CFAP100: variants seen among roughly 807,000 people sequenced by gnomAD.
CFAP100 encodes cilia and flagella associated protein 100.
Under a neutral mutation model 81.5 loss-of-function variants are expected in CFAP100, and 70 were observed. The ratio of observed to expected loss-of-function variants is 0.86; its 90% CI spans 0.71 to 1.05. The LOEUF is 1.05. CFAP100 is among the 50% of genes least tolerant of loss of function. CFAP100 has a pLI of 0.00. For synonymous variants in CFAP100, 341 were observed against 314.8 expected, an observed-to-expected ratio of 1.08 and a Z score of -0.88; for missense variants, 811 against 776.5, an observed-to-expected ratio of 1.04 and a Z score of -0.53.
chr3:126,402,361 G>A (rs867168468), intron 2 of CFAP100, among the ~76,000 whole-genome samples: 24 of 152,228 alleles, frequency 1.6e-4, no homozygotes, highest in Non-Finnish European at 2.8e-4. Flanking sequence ...GCACCACGCA[G>A]GGCTGTGCGG....
intron 7 of CFAP100, 69 bp from the exon 8 acceptor site, chr3:126,419,007 C>T: frequency 9.5e-7 from 1 of 1,057,524 alleles, no homozygotes; most frequent in Admixed American, 2.3e-5. Flanking sequence ...GTGGTGTGCT[C>T]ACCCCTCTTT....
chr3:126,415,338 C>T (rs1290117549), intron 4 of CFAP100, among the ~76,000 whole-genome samples: 1 of 150,044 alleles, frequency 6.7e-6, no homozygotes, highest in Non-Finnish European at 1.5e-5. Context: ...CCCCACCCAG[C>T]AGGGTCTCCC....
intron 2 of CFAP100, among the ~76,000 whole-genome samples, chr3:126,404,334 G>A (rs983214696): frequency 2.0e-5 from 3 of 152,206 alleles, no homozygotes; most frequent in Non-Finnish European, 2.9e-5. Context: ...AGGCCACCCA[G>A]TAATCAGAGA....
Position 126,420,112 on chromosome 3 carries a change from G to A in CFAP100, c.965G>A (p.Gly322Asp). Residue 322 changes from glycine (G) to aspartate (D), a missense_variant, in exon 11 of 17, where the codon GGT becomes GAT. Coordinates refer to ENST00000352312, the MANE Select transcript of CFAP100 (RefSeq NM_182628.3). ...ASSMWAKEGQ[G>D]TKKPWRFLQT... ...CCTCTGCTTTCTCCAGAGGGTCAGG[G>A]TACAAAGAAGCCCTGGAGGTTTCTG... The A allele has an allele frequency of 6.2e-7, 1 of 1,613,300 alleles. No individual in the cohort carries two copies. The highest frequency in any genetic ancestry group is 8.5e-7 in the Non-Finnish European group (1 of 1,180,004).
chr3:126,428,450 A>G (rs1388111190), intron 13 of CFAP100, among the ~76,000 whole-genome samples: 1 of 152,228 alleles, frequency 6.6e-6, no homozygotes, highest in Non-Finnish European at 1.5e-5. Context: ...ATATCATTAT[A>G]TAATACATTT....
intron 5 of CFAP100, chr3:126,416,757 T>G: frequency 4.6e-5 from 18 of 392,506 alleles, no homozygotes; most frequent in Middle Eastern, 6.4e-4. Flanking sequence ...TTGGTTTCTC[T>G]TTCCTTGGCT....
Position 126,419,142 on chromosome 3 carries a change from T to C in CFAP100, c.717T>C (p.Ile239=). The C allele has an allele frequency of 6.3e-7, 1 of 1,577,942 alleles. No homozygotes were observed. Among genetic ancestry groups the C allele is most frequent in the Non-Finnish European group, 8.6e-7 (1 of 1,160,428 alleles). Residue 239 remains isoleucine, a synonymous_variant, in exon 8 of 17, where the codon ATT becomes ATC. Transcript: ENST00000352312. ...AGATCCGGGACCTCACCACCCAGATTGTTAATATCAAAAGGTGAGGTCAGA... is the reference window on the plus strand; with the variant it reads ...AGATCCGGGACCTCACCACCCAGATCGTTAATATCAAAAGGTGAGGTCAGA... ...ILEIRDLTTQ[I]VNIKSEISRF... is the part of the protein sequence containing the mutation.
At chr3:126,422,167 C>G (rs988705146) in intron 11 of CFAP100, among the ~76,000 whole-genome samples, 1 of 152,224 alleles carries the variant, frequency 6.6e-6, no homozygotes, top group African/African-American at 2.4e-5. Flanking sequence ...CAGCCCATGC[C>G]CACCAACCGC....
intron 14 of CFAP100, chr3:126,433,541 G>C (rs559422863): frequency 1.5e-5 from 4 of 272,008 alleles, no homozygotes; most frequent in African/African-American, 6.6e-5. Context: ...AATTGGGAGA[G>C]AAGAGAAAGC....
chr3:126,397,208 T>C (rs1392748424), intron 2 of CFAP100, among the ~76,000 whole-genome samples: 2 of 152,256 alleles, frequency 1.3e-5, no homozygotes, highest in African/African-American at 2.4e-5. Context: ...TTGAGTAGAA[T>C]AGTAATCTTT....
Position 126,419,812 on chromosome 3 carries a change from G to C in CFAP100, c.907G>C (p.Asp303His), listed in dbSNP as rs750467369. The C allele has an allele frequency of 6.2e-7, 1 of 1,613,602 alleles. No homozygotes were observed. The highest frequency in any genetic ancestry group is 8.5e-7 in the Non-Finnish European group (1 of 1,179,972). ...KESSVNSTPG[D>H]KGPGIKGKAS... The stretch of plus-strand genomic sequence containing the variant: ...GAGCAGTGTTAACTCCACACCAGGG[G>C]ACAAAGGTAGCAGAAAAGAGAATGT... The change falls in exon 9 of 17, where the codon GAC becomes CAC. Residue 303 changes from aspartate to histidine, a missense_variant. Asp to His is a moderately conservative substitution (Grantham distance 81). Coordinates refer to ENST00000352312, the MANE Select transcript of CFAP100 (RefSeq NM_182628.3).
chr3:126,405,771 G>T (rs1021869811), intron 2 of CFAP100, among the ~76,000 whole-genome samples: 1 of 152,152 alleles, frequency 6.6e-6, no homozygotes, highest in Non-Finnish European at 1.5e-5. Context: ...TATGTGCTAT[G>T]TATGTGCATT....
intron 13 of CFAP100, among the ~76,000 whole-genome samples, chr3:126,430,636 C>T (rs536169733): frequency 1.3e-3 from 194 of 152,002 alleles, no homozygotes; most frequent in Middle Eastern, 3.4e-3. Flanking sequence ...TTTTGCTCCT[C>T]TAGCTGGCTA....
Position 126,396,067 on chromosome 3 carries a change from G to A in CFAP100, c.49+18G>A. On this transcript the variant is annotated intron_variant, in intron 2 of 16. Coordinates refer to ENST00000352312, the MANE Select transcript of CFAP100 (RefSeq NM_182628.3). Reference sequence around the variant, plus strand: ...CAATGACAGTAAGTACCGGGCCAGGGTGGGCACTCTCAGAGGTCAGGGGCA... The same window carrying A: ...CAATGACAGTAAGTACCGGGCCAGGATGGGCACTCTCAGAGGTCAGGGGCA... The A allele has an allele frequency of 6.2e-7, 1 of 1,611,014 alleles. No individual in the cohort carries two copies. Among genetic ancestry groups the A allele is most frequent in the South Asian group, 1.1e-5 (1 of 91,022 alleles).
intron 5 of CFAP100, 120 bp downstream of exon 5, chr3:126,416,628 G>A: frequency 1.2e-6 from 1 of 848,418 alleles, no homozygotes; most frequent in Non-Finnish European, 1.8e-6. Context: ...CTTTTCAAGT[G>A]CTTCGGAAAG....
rs1387075080 is a variant in CFAP100, at chr3:126,407,181, T to G, written c.59T>G (p.Leu20Arg). The change falls in exon 3 of 17, where the codon CTG becomes CGG. Residue 20 changes from leucine to arginine, a missense_variant. Leu to Arg is a moderately radical substitution (Grantham distance 102). Coordinates refer to ENST00000352312, the MANE Select transcript of CFAP100 (RefSeq NM_182628.3). ...SKNMTNDKNS[L>R]ESMNISSSSS... ...TTTTGTGTCTCCTCAGAGAACAGCC[T>G]GGAATCCATGAACATCAGCTCTTCT... 6.2e-7 allele frequency: 1 copy of G among 1,613,576 alleles called. No individual in the cohort carries two copies.
At chr3:126,401,901 C>T (rs35127658) in intron 2 of CFAP100, among the ~76,000 whole-genome samples, 36,733 of 152,122 alleles carry the variant, frequency 0.24, 4,964 homozygotes, top group East Asian at 0.4. Flanking sequence ...TCAGCTCTGC[C>T]TGCAGGTTTT....
intron 16 of CFAP100, 78 bp downstream of exon 16, chr3:126,435,730 G>A (rs1488393784): frequency 3.5e-6 from 4 of 1,153,888 alleles, no homozygotes; most frequent in Non-Finnish European, 5.0e-6. Flanking sequence ...TGCAGCCCAA[G>A]CCCCTGATGC....
At chr3:126,405,875 C>T (rs146478389) in intron 2 of CFAP100, among the ~76,000 whole-genome samples, 1 of 152,104 alleles carries the variant, frequency 6.6e-6, no homozygotes, top group African/African-American at 2.4e-5. Flanking sequence ...GCAGCCTCGA[C>T]CTCCTGGGCT....
Sources: gnomAD v4.1 joint callset for allele counts (sites outside exome capture counted in the v4.1 genomes callset) on GRCh38, gnomAD v4.1.1 for gene constraint, MANE v1.5 for transcripts, NCBI Gene and HGNC (gene_info 2026-07-23, HGNC 2026-07-21) for gene names.